TRAM2: variants seen among roughly 807,000 people sequenced by gnomAD.
TRAM2 encodes translocation associated membrane protein 2.
TRAM2 carries 12 observed loss-of-function variants against 51.0 expected under a neutral mutation model. The ratio of observed to expected loss-of-function variants is 0.24; its 90% CI spans 0.15 to 0.38. TRAM2 has a LOEUF of 0.38. Among genes scored for constraint, TRAM2 ranks in the 10% least tolerant of loss-of-function variants. TRAM2 has a pLI of 1.00. For synonymous variants in TRAM2, 175 were observed against 179.4 expected, an observed-to-expected ratio of 0.98 and a Z score of 0.20; for missense variants, 361 against 462.0, an observed-to-expected ratio of 0.78 and a Z score of 2.00.
intron 2 of TRAM2, among the ~76,000 whole-genome samples, chr6:52,520,359 T>C (rs551785774): frequency 6.6e-6 from 1 of 152,192 alleles, no homozygotes; most frequent in Non-Finnish European, 1.5e-5. Context: ...AGACCTCTCT[T>C]CCTGCCACAG....
At chr6:52,556,212 G>A (rs1308054554) in intron 1 of TRAM2, among the ~76,000 whole-genome samples, 1 of 151,946 alleles carries the variant, frequency 6.6e-6, no homozygotes, top group Admixed American at 6.6e-5. Context: ...GGCACGCAGG[G>A]AGAAGTGGGG....
At chr6:52,512,548 A>C (rs1300408347) in intron 4 of TRAM2, among the ~76,000 whole-genome samples, 2 of 152,194 alleles carry the variant, frequency 1.3e-5, no homozygotes, top group African/African-American at 4.8e-5. Flanking sequence ...CAGGGGGCTG[A>C]GTGTGACCCA....
intron 1 of TRAM2, among the ~76,000 whole-genome samples, chr6:52,567,373 A>G (rs1255439969): frequency 1.3e-5 from 2 of 152,252 alleles, no homozygotes; most frequent in African/African-American, 4.8e-5. Context: ...AGTTGTATCA[A>G]CAAATATGTT....
intron 2 of TRAM2, among the ~76,000 whole-genome samples, chr6:52,529,034 G>A (rs1430464130): frequency 6.6e-6 from 1 of 151,826 alleles, no homozygotes; most frequent in Non-Finnish European, 1.5e-5. Context: ...GGGACTACAA[G>A]TGCCCACCAC....
intron 1 of TRAM2, among the ~76,000 whole-genome samples, chr6:52,557,570 C>T (rs1767431397): frequency 6.6e-6 from 1 of 152,286 alleles, no homozygotes; most frequent in South Asian, 2.1e-4. Context: ...CCTGCACTCA[C>T]CACGCATGCA....
intron 1 of TRAM2, among the ~76,000 whole-genome samples, chr6:52,543,552 G>A (rs1267612157): frequency 3.9e-5 from 6 of 152,154 alleles, no homozygotes; most frequent in African/African-American, 1.4e-4. Flanking sequence ...AAAAAGAAAG[G>A]ATTATGGAGT....
chr6:52,546,704 G>A (rs116256974), intron 1 of TRAM2, among the ~76,000 whole-genome samples: 2,632 of 152,212 alleles, frequency 0.017, 64 homozygotes, highest in African/African-American at 0.06. Flanking sequence ...GGCTGGGGGT[G>A]TGAGAGGGGA....
intron 10 of TRAM2, among the ~76,000 whole-genome samples, chr6:52,504,003 A>G (rs761584961): frequency 7.9e-5 from 12 of 152,156 alleles, no homozygotes; most frequent in Non-Finnish European, 1.6e-4. Flanking sequence ...CCCAGTGCAG[A>G]CAGGCCCCCA....
intron 1 of TRAM2, among the ~76,000 whole-genome samples, chr6:52,553,801 T>C (rs1581698134): frequency 6.6e-6 from 1 of 152,192 alleles, no homozygotes; most frequent in Non-Finnish European, 1.5e-5. Context: ...AGGGGACTAG[T>C]GGGATTAGAA....
intron 2 of TRAM2, among the ~76,000 whole-genome samples, chr6:52,535,306 G>A (rs1170528806): frequency 6.6e-6 from 1 of 152,228 alleles, no homozygotes; most frequent in Non-Finnish European, 1.5e-5. Flanking sequence ...GAGAGCAGAA[G>A]AGAGGGAAGT....
chr6:52,561,577 C>G (rs1767502320), intron 1 of TRAM2, among the ~76,000 whole-genome samples: 1 of 152,032 alleles, frequency 6.6e-6, no homozygotes, highest in African/African-American at 2.4e-5. Flanking sequence ...GCTCCGCCTC[C>G]CGGGTTCACA....
At chr6:52,570,787 T>TCCC (rs1767663385) in intron 1 of TRAM2, among the ~76,000 whole-genome samples, 1 of 57,778 alleles carries the variant, frequency 1.7e-5, no homozygotes, top group African/African-American at 6.1e-5. Flanking sequence ...CAATCCTCCC[T>TCCC]GCCCACCACC....
rs757859864 is a variant in TRAM2 at position 52,504,617 on chromosome 6, G to A, written c.1013C>T (p.Pro338Leu). The A allele has an allele frequency of 1.9e-6, 3 of 1,614,070 alleles. No homozygotes were observed. Among genetic ancestry groups the A allele is most frequent in the Admixed American group, 3.3e-5 (2 of 60,016 alleles). ...KRRVPATPRL[P>L]ARLIKRESGY... Reference sequence around the variant, plus strand: ...AGATTCCCTCTTGATGAGCCTGGCTGGTAGTCTGGGTGTGGCTGGGACTCT... The same window carrying A: ...AGATTCCCTCTTGATGAGCCTGGCTAGTAGTCTGGGTGTGGCTGGGACTCT... The change falls in exon 10 of 11, where the codon CCA becomes CTA. Residue 338 changes from proline to leucine, a missense_variant. Physicochemically the swap from Pro to Leu is moderately conservative, Grantham distance 98 (BLOSUM62 -3). Transcript: ENST00000182527.
chr6:52,550,619 T>C (rs1212132506), intron 1 of TRAM2, among the ~76,000 whole-genome samples: 3 of 152,192 alleles, frequency 2.0e-5, no homozygotes, highest in African/African-American at 7.2e-5. Flanking sequence ...TGGCAAGATC[T>C]TAGTTCACTG....
chr6:52,532,544 A>G (rs898416017), intron 2 of TRAM2, among the ~76,000 whole-genome samples: 1 of 152,206 alleles, frequency 6.6e-6, no homozygotes, highest in Non-Finnish European at 1.5e-5. Flanking sequence ...CATACATAAA[A>G]CCTTTACATA....
chr6:52,504,391 C>T (rs572136317), intron 10 of TRAM2, among the ~76,000 whole-genome samples, 200 bp downstream of exon 10: 1 of 152,332 alleles, frequency 6.6e-6, no homozygotes, highest in East Asian at 1.9e-4. Context: ...GCCAGCCCCA[C>T]CCACAGCCTG....
At position 52,577,041 on chromosome 6, in the gene TRAM2, GC is replaced by G; in HGVS notation, c.-127del. The stretch of plus-strand genomic sequence containing the variant: ...CCCGCTCTCCCACAGCCGCTCGCCC[GC>G]CCAGCGCGGAACAACTTCGGGGCCC... On this transcript the variant is annotated 5_prime_UTR_variant, in exon 1 of 11. Transcript: ENST00000182527. The G allele has an allele frequency of 8.9e-7, 1 of 1,118,750 alleles. No individual in the cohort carries two copies. The allele number at this position is 1,118,750 out of a possible 1,614,324, so 69.3% of individuals were successfully genotyped here.
Position 52,501,241 on chromosome 6 carries a change from G to A in TRAM2, c.*1956C>T, listed in dbSNP as rs1766215994. 1 of 152,170 alleles carries A rather than the reference G, an allele frequency of 6.6e-6. No homozygotes were observed. Among genetic ancestry groups the A allele is most frequent in the Non-Finnish European group, 1.5e-5 (1 of 68,022 alleles). 9.4% of individuals were successfully genotyped at this position (152,170 alleles called of 1,614,324 possible). Reference sequence around the variant, plus strand: ...TCTCACTTCCTAAGGGTAATCAAAAGCAACCACGGGTAGCTCTTCCCATTT... The same window carrying A: ...TCTCACTTCCTAAGGGTAATCAAAAACAACCACGGGTAGCTCTTCCCATTT... On this transcript the variant is annotated 3_prime_UTR_variant, in exon 11 of 11. Transcript: ENST00000182527.
Position 52,507,539 on chromosome 6 carries a change from A to G in TRAM2, c.626+14T>C. ...AGGGCAAGGAAATCTGGCTGGCTCC[A>G]TGGTCTCACTCACTTTAAGAGGTAT... On this transcript the variant is annotated intron_variant, in intron 7 of 10. Transcript: ENST00000182527. 6.2e-7 allele frequency: 1 copy of G among 1,613,828 alleles called. No individual in the cohort carries two copies.
Sources: gnomAD v4.1 joint callset for allele counts (sites outside exome capture counted in the v4.1 genomes callset) on GRCh38, gnomAD v4.1.1 for gene constraint, MANE v1.5 for transcripts, NCBI Gene and HGNC (gene_info 2026-07-23, HGNC 2026-07-21) for gene names.